The following PFKFB4 variants were observed in gnomAD, a reference collection of about 807,000 sequenced individuals.
PFKFB4 encodes the protein 6-phosphofructo-2-kinase/fructose-2,6-biphosphatase 4, also known as 6-phosphofructo-2-kinase/fructose-2,6-bisphosphatase 4.
Under a neutral mutation model 62.8 loss-of-function variants are expected in PFKFB4, and 42 were observed. The ratio of observed to expected loss-of-function variants is 0.67; its 90% CI spans 0.52 to 0.86. The LOEUF (loss-of-function observed/expected upper bound fraction) is 0.86, where lower values mean the gene tolerates loss of function less well. PFKFB4 is among the 40% of genes least tolerant of loss of function. The pLI, the probability that PFKFB4 is intolerant of heterozygous loss-of-function variation, is 0.00. For synonymous variants in PFKFB4, 204 were observed against 240.7 expected (o/e 0.85, Z 1.41); for missense variants, 475 against 627.2 (o/e 0.76, Z 2.59).
intron 9 of PFKFB4, among the ~76,000 whole-genome samples, chr3:48,528,545 C>A (rs2042335025): frequency 6.6e-6 from 1 of 152,108 alleles, no homozygotes; most frequent in Admixed American, 6.6e-5. Flanking sequence ...TTCCTGTAGT[C>A]CCAGCTACTT....
At position 48,550,317 on chromosome 3, in the gene PFKFB4, C is replaced by T. The variant is rs555111865; in HGVS notation, c.98-83G>A. ...CCCTCTCAGCCTGTGGTCTCTCAGCCTCAGGGCATGGGACTGGCATCAGAC... is the reference window on the plus strand; with the variant it reads ...CCCTCTCAGCCTGTGGTCTCTCAGCTTCAGGGCATGGGACTGGCATCAGAC... On this transcript the variant is annotated intron_variant, in intron 1 of 13. Transcript: ENST00000232375. The T allele has an allele frequency of 3.4e-6, 3 of 879,976 alleles. No homozygotes were observed. The East Asian group carries it at 7.2e-5, about 21-fold the overall frequency. The allele number at this position is 879,976 out of a possible 1,614,324, so 54.5% of individuals were successfully genotyped here. A position where few individuals can be genotyped will look rare whatever the true frequency, so the allele number is the denominator to read the frequency against.
chr3:48,543,713 A>G, intron 3 of PFKFB4, 67 bp from the exon 4 acceptor site: 1 of 1,235,218 alleles, frequency 8.1e-7, no homozygotes, highest in Admixed American at 1.9e-5. Context: ...GGCCAGGGAC[A>G]CACAACAGGA....
chr3:48,546,035 A>T (rs2042953680), intron 3 of PFKFB4, among the ~76,000 whole-genome samples: 1 of 151,880 alleles, frequency 6.6e-6, no homozygotes, highest in South Asian at 2.1e-4. Flanking sequence ...GTGTGTGTGT[A>T]TAAGAGAGTG....
At chr3:48,527,505 A>G (rs575888183) in intron 9 of PFKFB4, among the ~76,000 whole-genome samples, 1 of 152,000 alleles carries the variant, frequency 6.6e-6, no homozygotes, top group Non-Finnish European at 1.5e-5. Context: ...ATAAAGAACT[A>G]AAAATGTGGA....
chr3:48,527,002 C>G (rs916490945), intron 9 of PFKFB4, among the ~76,000 whole-genome samples: 26 of 151,122 alleles, frequency 1.7e-4, no homozygotes, highest in Middle Eastern at 3.2e-3. Flanking sequence ...GGGAAGAAAG[C>G]CATGTGATGA....
At chr3:48,520,126 C>T (rs1442255110) in intron 13 of PFKFB4, among the ~76,000 whole-genome samples, 2 of 152,142 alleles carry the variant, frequency 1.3e-5, no homozygotes, top group African/African-American at 2.4e-5. Context: ...GAGGAGGAAC[C>T]CCTGGCTTGG....
intron 9 of PFKFB4, among the ~76,000 whole-genome samples, chr3:48,529,161 C>G (rs1205441006): frequency 6.6e-6 from 1 of 152,096 alleles, no homozygotes; most frequent in Non-Finnish European, 1.5e-5. Context: ...CCTCAGCCCC[C>G]CGAGTAGCTG....
intron 5 of PFKFB4, 57 bp downstream of exon 5, chr3:48,539,640 T>G: frequency 7.0e-7 from 1 of 1,425,982 alleles, no homozygotes; most frequent in Non-Finnish European, 9.9e-7. Context: ...AAAGGAGCCC[T>G]GGAGGGCAGG....
rs1560166390 is a variant in PFKFB4, at chr3:48,538,597, T to G, written c.533A>C (p.Asp178Ala). 1 of 1,614,144 alleles carries G rather than the reference T, an allele frequency of 6.2e-7. No individual in the cohort carries two copies. Among genetic ancestry groups the G allele is most frequent in the Non-Finnish European group, 8.5e-7 (1 of 1,180,008 alleles). The part of the protein sequence containing the change: ...NIVQVKLGSP[D>A]YVNRDSDEAT... ...CTCATCACTGTCGCGGTTGACATAG[T>G]CAGGGCTGCCCAGTTTCACTTGCTG... is the stretch of plus-strand genomic sequence containing the variant. Residue 178 changes from aspartate to alanine, a missense_variant, in exon 7 of 14, where the codon GAC becomes GCC. Coordinates refer to ENST00000232375, the MANE Select transcript of PFKFB4 (RefSeq NM_004567.4).
At chr3:48,533,903 C>A (rs552799630) in intron 9 of PFKFB4, among the ~76,000 whole-genome samples, 2 of 152,172 alleles carry the variant, frequency 1.3e-5, no homozygotes, top group South Asian at 4.2e-4. Context: ...TTTTTAGACA[C>A]GAGACTAGGC....
upstream of PFKFB4, among the ~76,000 whole-genome samples, chr3:48,560,162 C>A (rs2043410482): frequency 6.6e-6 from 1 of 152,216 alleles, no homozygotes; most frequent in Non-Finnish European, 1.5e-5. Flanking sequence ...CACTGATGCA[C>A]ACAGAGACAC....
At chr3:48,543,139 T>G (rs1204521517) in intron 4 of PFKFB4, among the ~76,000 whole-genome samples, 1 of 152,140 alleles carries the variant, frequency 6.6e-6, no homozygotes, top group East Asian at 1.9e-4. Flanking sequence ...GACACCCCAG[T>G]TTAGCCCTGT....
chr3:48,531,501 C>T (rs1389917815), intron 9 of PFKFB4, among the ~76,000 whole-genome samples: 2 of 149,150 alleles, frequency 1.3e-5, no homozygotes, highest in African/African-American at 2.5e-5. Context: ...AGTGCAGTGG[C>T]GTGATCTCAG....
At chr3:48,551,239 G>A (rs1435882429) in intron 1 of PFKFB4, among the ~76,000 whole-genome samples, 1 of 143,016 alleles carries the variant, frequency 7.0e-6, no homozygotes, top group Non-Finnish European at 1.5e-5. Flanking sequence ...TTTTTGAGAC[G>A]GAGTCTCACT....
upstream of PFKFB4, chr3:48,556,919 AGAGT>A: frequency 1.4e-6 from 2 of 1,415,712 alleles, no homozygotes; most frequent in South Asian, 1.5e-5. The surrounding 1 kb of genome is among the most constrained non-coding windows in gnomAD (Gnocchi z 5.7). Flanking sequence ...GTCCCGCCCC[AGAGT>A]GAGTAGGCTC....
chr3:48,544,279 G>A (rs1002918097), intron 3 of PFKFB4, among the ~76,000 whole-genome samples: 2 of 151,942 alleles, frequency 1.3e-5, no homozygotes, highest in Non-Finnish European at 1.5e-5. Flanking sequence ...GCTGGCCCTC[G>A]GGCAGTGTTA....
chr3:48,534,451 C>T (rs1256312812), intron 9 of PFKFB4, among the ~76,000 whole-genome samples: 1 of 151,948 alleles, frequency 6.6e-6, no homozygotes, highest in Admixed American at 6.6e-5. Context: ...TGCTAAAAAT[C>T]AGCAATAAAG....
chr3:48,556,781 G>A lies in PFKFB4; in HGVS notation c.-4C>T. 9 of 1,599,590 alleles carry A rather than the reference G, an allele frequency of 5.6e-6. No homozygotes were observed. Among genetic ancestry groups the A allele is most frequent in the Non-Finnish European group, 7.7e-6 (9 of 1,173,300 alleles). ...TCAATTCCCGTGGGGACGCCATCCC[G>A]GGGCCGGGATGAGTCGGACTGCGCC... On this transcript the variant is annotated 5_prime_UTR_variant, in exon 1 of 14. Transcript: ENST00000232375. This position sits in a 1 kb window ranked among gnomAD's most constrained non-coding sequence, Gnocchi z 5.7.
intron 4 of PFKFB4, 77 bp downstream of exon 4, chr3:48,543,496 CTCCAGAT>C: frequency 7.7e-7 from 1 of 1,302,080 alleles, no homozygotes; most frequent in South Asian, 1.3e-5. Context: ...CTGCCTTCCC[CTCCAGAT>C]GCCTGACGAG....
Sources: allele counts gnomAD v4.1 joint callset (sites outside exome capture counted in the v4.1 genomes callset), GRCh38; gene constraint gnomAD v4.1.1; non-coding constraint Gnocchi (gnomAD v3.1); transcripts MANE v1.5; gene names NCBI Gene and HGNC (gene_info 2026-07-23, HGNC 2026-07-21).